The following RPS6KB1 variants were observed in gnomAD, a reference collection of about 807,000 sequenced individuals.
The protein encoded by RPS6KB1 is ribosomal protein S6 kinase B1, also known as ribosomal protein S6 kinase beta-1.
Under a neutral mutation model 70.2 loss-of-function variants are expected in RPS6KB1, and 12 were observed. The observed-to-expected ratio is 0.17, with a 90% CI of 0.11 to 0.28. The LOEUF (loss-of-function observed/expected upper bound fraction) is 0.28, where lower values mean the gene tolerates loss of function less well. RPS6KB1 is among the 10% of genes least tolerant of loss of function. The pLI is 1.00. For synonymous variants in RPS6KB1, 175 were observed against 211.2 expected (o/e 0.83, Z 1.49); for missense variants, 270 against 646.6 (o/e 0.42, Z 6.32).
intron 1 of RPS6KB1, among the ~76,000 whole-genome samples, chr17:59,903,978 G>T (rs1372917382): frequency 1.3e-5 from 2 of 152,008 alleles, no homozygotes. Flanking sequence ...CTGGCCTCAA[G>T]CAGTCTTCCA....
chr17:59,893,382 C>T lies in RPS6KB1; in HGVS notation c.141+57C>T. On this transcript the variant is annotated intron_variant, in intron 1 of 14. Coordinates refer to ENST00000225577, the MANE Select transcript of RPS6KB1 (RefSeq NM_003161.4). This position sits in a 1 kb window ranked among gnomAD's most constrained non-coding sequence, Gnocchi z 4.1. ...GACAGGGCCGGGGCGGCGGCGCGGG[C>T]TCAGGAAGCGCGGTGTGTCCTAGAG... 1 of 1,528,626 alleles carries T rather than the reference C, an allele frequency of 6.5e-7. No homozygotes were observed. Among genetic ancestry groups the T allele is most frequent in the Non-Finnish European group, 8.9e-7 (1 of 1,126,258 alleles). 94.7% of individuals were successfully genotyped at this position (1,528,626 alleles called of 1,614,324 possible).
chr17:59,905,713 C>A (rs890387634), intron 1 of RPS6KB1, among the ~76,000 whole-genome samples: 1 of 152,068 alleles, frequency 6.6e-6, no homozygotes, highest in Non-Finnish European at 1.5e-5. Flanking sequence ...ACCACATTGG[C>A]CTGGCTGATT....
chr17:59,943,249 G>A (rs183621469), intron 13 of RPS6KB1, among the ~76,000 whole-genome samples: 283 of 152,252 alleles, frequency 1.9e-3, no homozygotes, highest in Non-Finnish European at 3.0e-3. Flanking sequence ...TTAGGGAAGT[G>A]GGCATGAATC....
intron 4 of RPS6KB1, among the ~76,000 whole-genome samples, chr17:59,922,320 C>G (rs1260035504): frequency 1.3e-5 from 2 of 152,014 alleles, no homozygotes; most frequent in African/African-American, 4.8e-5. Flanking sequence ...AGATTACAGA[C>G]TTGAGCCTCC....
At chr17:59,938,182 T>G (rs1160240736) in intron 12 of RPS6KB1, among the ~76,000 whole-genome samples, 31 of 142,086 alleles carry the variant, frequency 2.2e-4, no homozygotes, top group East Asian at 4.3e-4. Flanking sequence ...TTTTTTTTTT[T>G]TTGGGGGGGG....
chr17:59,894,216 G>A (rs867479622), intron 1 of RPS6KB1, among the ~76,000 whole-genome samples: 88 of 152,066 alleles, frequency 5.8e-4, no homozygotes, highest in African/African-American at 2.0e-3. Flanking sequence ...CTAATGCATA[G>A]CTTGGTTTCA....
At chr17:59,906,306 C>T (rs1191337663) in intron 1 of RPS6KB1, among the ~76,000 whole-genome samples, 3 of 152,144 alleles carry the variant, frequency 2.0e-5, no homozygotes, top group Non-Finnish European at 4.4e-5. Context: ...AGTCCTCCAC[C>T]TTTGTTCTTT....
intron 1 of RPS6KB1, among the ~76,000 whole-genome samples, chr17:59,906,560 C>T (rs1448621109): frequency 2.6e-5 from 4 of 152,118 alleles, no homozygotes; most frequent in Admixed American, 2.6e-4. Flanking sequence ...TGGGGTTTCA[C>T]CATATTGGCC....
At chr17:59,922,604 G>A (rs147838267) in intron 4 of RPS6KB1, among the ~76,000 whole-genome samples, 13 of 137,998 alleles carry the variant, frequency 9.4e-5, no homozygotes, top group Non-Finnish European at 2.0e-4. Context: ...GAGTGCAGTG[G>A]TGTGATCTCA....
At chr17:59,924,701 A>G (rs2043491875) in intron 4 of RPS6KB1, among the ~76,000 whole-genome samples, 1 of 151,838 alleles carries the variant, frequency 6.6e-6, no homozygotes, top group African/African-American at 2.4e-5. Context: ...TACATATTAT[A>G]TATATTCTCA....
At chr17:59,894,069 G>A (rs2041341614) in intron 1 of RPS6KB1, 15 of 648,860 alleles carry the variant, frequency 2.3e-5, no homozygotes, top group South Asian at 6.9e-5. Context: ...ATTTTGAGGT[G>A]GAAAAAAAAA....
rs1190414189 is a variant in RPS6KB1 at position 59,950,412 on chromosome 17, TTGAA to T, written c.*3629_*3632del. The T allele has an allele frequency of 6.6e-6, 1 of 152,590 alleles. No homozygotes were observed. Among genetic ancestry groups the T allele is most frequent in the Non-Finnish European group, 1.5e-5 (1 of 67,974 alleles). The allele number at this position is 152,590 out of a possible 1,614,324, so 9.5% of individuals were successfully genotyped here. ...ATGTAAATAGAAATTAAATGCAAAT[TTGAA>T]TGAACATAAATAGAAGTGATTTATT... On this transcript the variant is annotated 3_prime_UTR_variant, in exon 15 of 15. Coordinates refer to ENST00000225577, the MANE Select transcript of RPS6KB1 (RefSeq NM_003161.4).
At chr17:59,941,759 G>A (rs184566234) in intron 13 of RPS6KB1, among the ~76,000 whole-genome samples, 36 of 151,170 alleles carry the variant, frequency 2.4e-4, no homozygotes, top group African/African-American at 7.8e-4. Context: ...TCAGCCTCCC[G>A]AGTAGCTGGG....
intron 1 of RPS6KB1, among the ~76,000 whole-genome samples, chr17:59,896,802 CT>C (rs1251437188): frequency 3.3e-5 from 5 of 151,668 alleles, no homozygotes; most frequent in Non-Finnish European, 7.4e-5. Context: ...GAAAATATTT[CT>C]TTTTAGTGTG....
chr17:59,913,094 T>A (rs553854673), intron 3 of RPS6KB1, among the ~76,000 whole-genome samples: 1 of 152,338 alleles, frequency 6.6e-6, no homozygotes, highest in East Asian at 1.9e-4. Context: ...CATTCTTTAC[T>A]TTGGTTAAAT....
chr17:59,933,429 G>T (rs1312668364), intron 7 of RPS6KB1, among the ~76,000 whole-genome samples: 1 of 152,132 alleles, frequency 6.6e-6, no homozygotes. Context: ...TACTTCTTCT[G>T]TATCAGAGTG....
intron 7 of RPS6KB1, among the ~76,000 whole-genome samples, chr17:59,933,753 ATATAT>A (rs2044080110): frequency 6.6e-6 from 1 of 152,202 alleles, no homozygotes; most frequent in African/African-American, 2.4e-5. Flanking sequence ...GATAAAAGCT[ATATAT>A]TTGAAGTACT....
intron 12 of RPS6KB1, among the ~76,000 whole-genome samples, chr17:59,939,373 C>G (rs1230560298): frequency 6.6e-6 from 1 of 152,088 alleles, no homozygotes; most frequent in East Asian, 1.9e-4. Context: ...CCTTGACTTC[C>G]CGGCCTCCAG....
At chr17:59,927,508 T>A (rs986283318) in intron 5 of RPS6KB1, among the ~76,000 whole-genome samples, 16 of 141,014 alleles carry the variant, frequency 1.1e-4, no homozygotes, top group Admixed American at 7.9e-4. Context: ...TTGGAAAAAC[T>A]TTTTTTTTTT....
Sources: gnomAD v4.1 joint callset for allele counts (sites outside exome capture counted in the v4.1 genomes callset) on GRCh38, gnomAD v4.1.1 for gene constraint, Gnocchi (gnomAD v3.1) non-coding constraint, MANE v1.5 for transcripts, NCBI Gene and HGNC (gene_info 2026-07-23, HGNC 2026-07-21) for gene names.